The following CCDC69 variants were observed in gnomAD, a reference collection of about 807,000 sequenced individuals.
CCDC69 encodes the protein coiled-coil domain-containing protein 69.
Under a neutral mutation model 40.3 loss-of-function variants are expected in CCDC69, and 38 were observed. The observed-to-expected ratio is 0.94, with a 90% CI of 0.73 to 1.24. The LOEUF is 1.24. Among genes scored for constraint, CCDC69 ranks in the 50% most tolerant of loss-of-function variants. CCDC69 has a pLI of 0.00. For synonymous variants in CCDC69, 141 were observed against 138.9 expected, an observed-to-expected ratio of 1.02 and a Z score of -0.11; for missense variants, 389 against 357.9, an observed-to-expected ratio of 1.09 and a Z score of -0.70.
At chr5:151,205,801 T>C (rs1199417458) in intron 1 of CCDC69, among the ~76,000 whole-genome samples, 1 of 152,154 alleles carries the variant, frequency 6.6e-6, no homozygotes, top group Admixed American at 6.5e-5. Context: ...TCTCCCGGGA[T>C]CTGGCCGGAC....
At chr5:151,203,815 CG>C (rs973631518) in intron 2 of CCDC69, among the ~76,000 whole-genome samples, 9 of 118,186 alleles carry the variant, frequency 7.6e-5, no homozygotes, top group African/African-American at 3.2e-4. Context: ...TAATATATAT[CG>C]TATATATAGT....
chr5:151,194,754 A>C lies in CCDC69; in HGVS notation c.319+4243T>G, dbSNP rs190283419. 1.2e-4 allele frequency among the ~76,000 whole-genome samples: 19 copies of C among 152,228 alleles called. No individual in the cohort carries two copies. The East Asian group carries it at 3.5e-3, about 28-fold the overall frequency. On this transcript the variant is annotated intron_variant, in intron 4 of 8. Coordinates refer to ENST00000355417, the MANE Select transcript of CCDC69 (RefSeq NM_015621.3). ...CTAAAAATACAAAAATTAGCTGGGC[A>C]TAGTGGCACGTGCCTGTAATCCCAG...
chr5:151,183,274 A>C lies in CCDC69; in HGVS notation c.*163T>G, dbSNP rs978038234. On this transcript the variant is annotated 3_prime_UTR_variant, in exon 9 of 9. Coordinates refer to ENST00000355417, the MANE Select transcript of CCDC69 (RefSeq NM_015621.3). The stretch of plus-strand genomic sequence containing the variant: ...AAAACCCTGTGGGTGATTCCATGTA[A>C]CTCAAGGCCCCAGGGCTCACTGGGC... 3.6e-6 allele frequency: 3 copies of C among 825,308 alleles called. No individual in the cohort carries two copies. In the African/African-American group the frequency reaches 5.1e-5, roughly 14 times the overall value. The allele number at this position is 825,308 out of a possible 1,614,324, so 51.1% of individuals were successfully genotyped here.
intron 1 of CCDC69, among the ~76,000 whole-genome samples, chr5:151,210,417 G>A (rs1056513420): frequency 6.6e-6 from 1 of 151,922 alleles, no homozygotes; most frequent in African/African-American, 2.4e-5. Flanking sequence ...AGTGGCATGC[G>A]CCTCTAACCC....
In CCDC69 at chr5:151,182,969, C is replaced by G. The variant is rs1347622457; in HGVS notation, c.*468G>C. On this transcript the variant is annotated 3_prime_UTR_variant, in exon 9 of 9. Transcript: ENST00000355417. ...TGACATAAGAGTCCTTTGACCAGTC[C>G]CCCCACCATTTTAATGCAGGGGTAA... is the stretch of plus-strand genomic sequence containing the variant. The G allele has an allele frequency of 2.2e-6, 1 of 450,238 alleles. No individual in the cohort carries two copies. Among genetic ancestry groups the G allele is most frequent in the African/African-American group, 2.0e-5 (1 of 49,944 alleles). The allele number at this position is 450,238 out of a possible 1,614,324, so 27.9% of individuals were successfully genotyped here. A position where few individuals can be genotyped will look rare whatever the true frequency, so the allele number is the denominator to read the frequency against.
intron 1 of CCDC69, among the ~76,000 whole-genome samples, chr5:151,210,378 A>G (rs1456771107): frequency 6.6e-6 from 1 of 151,786 alleles, no homozygotes; most frequent in Non-Finnish European, 1.5e-5. Context: ...CCCCGTCTCT[A>G]CTAAAAATAC....
intron 1 of CCDC69, 131 bp from the exon 2 acceptor site, chr5:151,205,606 GCGCA>G: frequency 1.4e-6 from 1 of 733,886 alleles, no homozygotes; most frequent in Non-Finnish European, 2.3e-6. Flanking sequence ...CCCCACGCCT[GCGCA>G]TTGGGCTGCC....
intron 4 of CCDC69, 90 bp from the exon 5 acceptor site, chr5:151,187,549 T>A: frequency 9.6e-7 from 1 of 1,037,392 alleles, no homozygotes; most frequent in Non-Finnish European, 1.5e-6. Flanking sequence ...TCCAGATATT[T>A]AACTGGGGCC....
Position 151,184,430 on chromosome 5 carries a change from A to T in CCDC69, c.627T>A (p.Asn209Lys). ...LILMETVKEK[N>K]LILEEKITTL... ...TCGTAATTTTTTCCTCCAATATCAG[A>T]TTTTTCTCTTTCTATAACAATGAGA... is the stretch of plus-strand genomic sequence containing the variant. Residue 209 changes from asparagine (N) to lysine (K), a missense_variant, in exon 8 of 9, where the codon AAT (asparagine) becomes AAA (lysine). Asn to Lys is a moderately conservative substitution (Grantham distance 94, BLOSUM62 0). Transcript: ENST00000355417. 1 of 1,612,402 alleles carries T rather than the reference A, an allele frequency of 6.2e-7. No homozygotes were observed. The highest frequency in any genetic ancestry group is 8.5e-7 in the Non-Finnish European group (1 of 1,178,490).
chr5:151,216,748 CAAGA>C (rs1303697616), intron 1 of CCDC69, among the ~76,000 whole-genome samples: 2 of 152,112 alleles, frequency 1.3e-5, no homozygotes, highest in East Asian at 3.8e-4. Flanking sequence ...ACAACGCATT[CAAGA>C]ATTACTTATA....
intron 4 of CCDC69, among the ~76,000 whole-genome samples, chr5:151,191,354 C>T (rs888924218): frequency 4.6e-5 from 7 of 152,178 alleles, no homozygotes; most frequent in African/African-American, 1.7e-4. Flanking sequence ...GAACTGAATA[C>T]TAACATTAAC....
intron 2 of CCDC69, among the ~76,000 whole-genome samples, chr5:151,202,590 T>C (rs1246110581): frequency 6.6e-6 from 1 of 152,170 alleles, no homozygotes. Flanking sequence ...TTATTAAAAA[T>C]GTATACAAAG....
At chr5:151,195,817 G>A (rs1353384912) in intron 4 of CCDC69, among the ~76,000 whole-genome samples, 1 of 151,120 alleles carries the variant, frequency 6.6e-6, no homozygotes, top group Non-Finnish European at 1.5e-5. Flanking sequence ...TCCAGGCAAG[G>A]ACTTTAATTC....
In CCDC69 at chr5:151,181,719, T is replaced by C. The variant is rs1408516211; in HGVS notation, c.*1718A>G. The C allele has an allele frequency of 6.6e-6, 1 of 152,222 alleles. No homozygotes were observed. The highest frequency in any genetic ancestry group is 1.5e-5 in the Non-Finnish European group (1 of 68,052). 9.4% of individuals were successfully genotyped at this position (152,222 alleles called of 1,614,324 possible). ...ACTGATCTGTTTAGGTGTCCCCAAA[T>C]AACTTGGCCACCAATCATGTCTACT... On this transcript the variant is annotated 3_prime_UTR_variant, in exon 9 of 9. Transcript: ENST00000355417.
intron 4 of CCDC69, among the ~76,000 whole-genome samples, chr5:151,194,061 C>T (rs535729193): frequency 8.6e-4 from 131 of 152,296 alleles, no homozygotes; most frequent in African/African-American, 2.9e-3. Flanking sequence ...CCAGTGACAG[C>T]AAGTATTGGC....
intron 4 of CCDC69, among the ~76,000 whole-genome samples, chr5:151,190,516 A>AT: frequency 6.6e-6 from 1 of 152,036 alleles, no homozygotes; most frequent in East Asian, 1.9e-4. Flanking sequence ...AAATACAAAA[A>AT]TTGGCTGGGC....
intron 2 of CCDC69, among the ~76,000 whole-genome samples, chr5:151,202,800 G>A (rs912339417): frequency 6.6e-6 from 1 of 152,184 alleles, no homozygotes; most frequent in Non-Finnish European, 1.5e-5. Flanking sequence ...CAGATACTAG[G>A]TATGACCTAA....
intron 1 of CCDC69, among the ~76,000 whole-genome samples, chr5:151,219,223 G>A (rs1298720201): frequency 6.6e-6 from 1 of 152,122 alleles, no homozygotes; most frequent in Non-Finnish European, 1.5e-5. Context: ...GATCAGATTT[G>A]CCCACTCCTC....
chr5:151,211,117 G>T (rs1365735747), intron 1 of CCDC69: 1 of 152,200 alleles, frequency 6.6e-6, no homozygotes, highest in Non-Finnish European at 1.5e-5. Flanking sequence ...ACAGGCATCT[G>T]TATGTTCGAG....
Sources: allele counts gnomAD v4.1 joint callset (sites outside exome capture counted in the v4.1 genomes callset), GRCh38; gene constraint gnomAD v4.1.1; transcripts MANE v1.5; gene names NCBI Gene and HGNC (gene_info 2026-07-23, HGNC 2026-07-21).